The following RGS7 variants were observed in gnomAD, a reference collection of about 807,000 sequenced individuals.
The protein encoded by RGS7 is regulator of G protein signaling 7.
In RGS7, 27 loss-of-function variants were observed where a neutral mutation model predicts 81.1. That is an observed-to-expected ratio of 0.33 (90% CI 0.25 to 0.46). The LOEUF is 0.46. RGS7 is among the 20% of genes least tolerant of loss of function. The pLI, the probability that RGS7 is intolerant of heterozygous loss-of-function variation, is 1.00. For synonymous variants in RGS7, 208 were observed against 207.7 expected, an observed-to-expected ratio of 1.00 and a Z score of -0.01; for missense variants, 396 against 607.4, an observed-to-expected ratio of 0.65 and a Z score of 3.66.
chr1:241,040,216 A>C (rs1163025272), intron 3 of RGS7, among the ~76,000 whole-genome samples: 1 of 152,198 alleles, frequency 6.6e-6, no homozygotes, highest in East Asian at 1.9e-4. Flanking sequence ...TTCTTCAGAA[A>C]ACTTTCAACT....
chr1:241,249,832 C>T (rs1419445837), intron 2 of RGS7, among the ~76,000 whole-genome samples: 3 of 152,022 alleles, frequency 2.0e-5, no homozygotes, highest in Non-Finnish European at 4.4e-5. Context: ...TTTTCCTTAT[C>T]ACTTGAGAAG....
chr1:241,302,271 C>T (rs947731532), intron 2 of RGS7, among the ~76,000 whole-genome samples: 5 of 152,116 alleles, frequency 3.3e-5, no homozygotes, highest in South Asian at 4.1e-4. Flanking sequence ...TTCGGCCGGC[C>T]GGGCGCGGTG....
At chr1:240,805,959 TA>T (rs142377602) in intron 15 of RGS7, among the ~76,000 whole-genome samples, 180 bp downstream of exon 15, 14,109 of 152,128 alleles carry the variant, frequency 0.093, 1,203 homozygotes, top group African/African-American at 0.23. Flanking sequence ...TCCCAGGTTT[TA>T]AAAAAACTAT....
In RGS7 at chr1:240,844,864, A is replaced by T. The variant is rs74503189; in HGVS notation, c.610-17692T>A. ...TCAGTAATGAGATCATGGACTATTG[A>T]TAGGAAAGACAGCATCATGAGTATG... On this transcript the variant is annotated intron_variant, in intron 9 of 18. Coordinates refer to ENST00000440928, the MANE Select transcript of RGS7 (RefSeq NM_001364886.1). 4.7e-3 allele frequency among the ~76,000 whole-genome samples: 713 copies of T among 152,354 alleles called. 10 individuals are homozygous for T. The highest frequency in any genetic ancestry group is 0.016 in the African/African-American group (685 of 41,578).
intron 3 of RGS7, among the ~76,000 whole-genome samples, chr1:241,063,500 G>A (rs142894353): frequency 6.6e-6 from 1 of 152,304 alleles, no homozygotes; most frequent in African/African-American, 2.4e-5. Flanking sequence ...CCAAGAGGCA[G>A]GTGATTTAGT....
chr1:240,872,417 C>T (rs1664653181), intron 6 of RGS7, among the ~76,000 whole-genome samples: 2 of 152,030 alleles, frequency 1.3e-5, no homozygotes, highest in Admixed American at 1.3e-4. Context: ...TATGATTGCA[C>T]CACTGCACTC....
intron 3 of RGS7, among the ~76,000 whole-genome samples, chr1:241,033,983 G>C (rs752459079): frequency 6.6e-6 from 1 of 152,108 alleles, no homozygotes; most frequent in African/African-American, 2.4e-5. Context: ...ACAGTATACA[G>C]CATATCCCAC....
chr1:241,328,249 G>C (rs1251512167), intron 2 of RGS7, among the ~76,000 whole-genome samples: 1 of 152,140 alleles, frequency 6.6e-6, no homozygotes, highest in Non-Finnish European at 1.5e-5. Context: ...TCAGGGCTTT[G>C]CCACTGGCTA....
intron 2 of RGS7, among the ~76,000 whole-genome samples, chr1:241,316,510 T>G (rs966727777): frequency 6.6e-6 from 1 of 152,154 alleles, no homozygotes; most frequent in Admixed American, 6.6e-5. Context: ...GATTCCCGGA[T>G]TTGAGGAGCT....
At chr1:241,103,338 G>T (rs2064895540) in intron 2 of RGS7, among the ~76,000 whole-genome samples, 1 of 152,138 alleles carries the variant, frequency 6.6e-6, no homozygotes, top group African/African-American at 2.4e-5. Context: ...CATGGGAGAA[G>T]AGAACACTAG....
At position 241,170,050 on chromosome 1, in the gene RGS7, G is replaced by A. The variant is rs1174666060; in HGVS notation, c.79-71288C>T. 4.6e-5 allele frequency among the ~76,000 whole-genome samples: 7 copies of A among 151,978 alleles called. No individual in the cohort carries two copies. The East Asian group carries it at 1.4e-3, about 30-fold the overall frequency. On this transcript the variant is annotated intron_variant, in intron 2 of 18. Transcript: ENST00000440928. ...TACCCTGGGCTCCCTTTTCAGAAGG[G>A]CCACCGTCCATCAGCATGGTGGGGG...
chr1:241,035,677 C>T (rs2060288299), intron 3 of RGS7, among the ~76,000 whole-genome samples: 1 of 152,132 alleles, frequency 6.6e-6, no homozygotes, highest in African/African-American at 2.4e-5. Flanking sequence ...CCACCACTTC[C>T]ACCCTTATCA....
intron 2 of RGS7, among the ~76,000 whole-genome samples, chr1:241,295,463 G>GAAAA (rs147054088): frequency 4.7e-5 from 7 of 148,226 alleles, no homozygotes; most frequent in Non-Finnish European, 1.0e-4. Context: ...AAAAAAAGAA[G>GAAAA]AAAAAAAAAA....
At chr1:241,105,767 C>T (rs56772314) in intron 2 of RGS7, among the ~76,000 whole-genome samples, 20,111 of 152,084 alleles carry the variant, frequency 0.13, 1,582 homozygotes, top group African/African-American at 0.21. Context: ...AAAGCTAAAA[C>T]GTTTTGTACT....
chr1:240,954,071 A>ATAGC (rs1205020707), intron 4 of RGS7, among the ~76,000 whole-genome samples: 1 of 152,088 alleles, frequency 6.6e-6, no homozygotes, highest in Admixed American at 6.5e-5. Flanking sequence ...GGTAGCCTGA[A>ATAGC]TAGCTCTATT....
chr1:241,354,974 T>G (rs1162725395), intron 2 of RGS7, among the ~76,000 whole-genome samples: 1 of 152,198 alleles, frequency 6.6e-6, no homozygotes, highest in Non-Finnish European at 1.5e-5. Context: ...ATGTAATAGT[T>G]AAACGCATCT....
intron 3 of RGS7, among the ~76,000 whole-genome samples, chr1:241,050,264 T>C (rs2061177090): frequency 6.6e-6 from 1 of 151,450 alleles, no homozygotes; most frequent in African/African-American, 2.4e-5. Flanking sequence ...GGGGTGGCTA[T>C]TAGTGGGGAT....
chr1:241,254,368 G>A (rs1459836599), intron 2 of RGS7, among the ~76,000 whole-genome samples: 1 of 152,172 alleles, frequency 6.6e-6, no homozygotes, highest in East Asian at 1.9e-4. Flanking sequence ...TGGGATGCTA[G>A]AATACCACAG....
At chr1:240,908,128 C>T (rs377523018) in intron 6 of RGS7, among the ~76,000 whole-genome samples, 25 of 143,716 alleles carry the variant, frequency 1.7e-4, no homozygotes, top group South Asian at 8.7e-4. Flanking sequence ...TGTTCTCACT[C>T]GTAGGTGGGA....
Sources: gnomAD v4.1 joint callset for allele counts (sites outside exome capture counted in the v4.1 genomes callset) on GRCh38, gnomAD v4.1.1 for gene constraint, MANE v1.5 for transcripts, NCBI Gene and HGNC (gene_info 2026-07-23, HGNC 2026-07-21) for gene names.